Variants in NCOA1 observed in about 807,000 individuals in gnomAD.
NCOA1 encodes the protein nuclear receptor coactivator 1.
A neutral mutation model predicts 150.9 loss-of-function variants in NCOA1; 35 were observed. That is an observed-to-expected ratio of 0.23 (90% CI 0.18 to 0.31). NCOA1 has a LOEUF of 0.31. Among genes scored for constraint, NCOA1 ranks in the 10% least tolerant of loss-of-function variants. NCOA1 has a pLI of 1.00. For missense variants in NCOA1, 1,491 were observed against 1,749.3 expected, an observed-to-expected ratio of 0.85 and a Z score of 2.63; for synonymous variants, 590 against 630.0, an observed-to-expected ratio of 0.94 and a Z score of 0.95.
intron 3 of NCOA1, among the ~76,000 whole-genome samples, chr2:24,627,123 T>TTTTTTG (rs1333723269): frequency 4.1e-5 from 1 of 24,474 alleles, no homozygotes; most frequent in African/African-American, 9.4e-5. Flanking sequence ...TTTTTGCTGT[T>TTTTTTG]TTTTTTTTTT....
intron 3 of NCOA1, among the ~76,000 whole-genome samples, chr2:24,627,198 G>A (rs1391508173): frequency 1.4e-5 from 2 of 140,934 alleles, no homozygotes; most frequent in Non-Finnish European, 1.5e-5. Flanking sequence ...CCACTACTGT[G>A]CATGTCACCA....
At chr2:24,615,724 C>T (rs186305412) in intron 3 of NCOA1, among the ~76,000 whole-genome samples, 30 of 152,234 alleles carry the variant, frequency 2.0e-4, no homozygotes, top group African/African-American at 6.3e-4. Flanking sequence ...CAGATAGATA[C>T]ATACACAGTT....
chr2:24,762,035 C>G (rs1363568665), intron 21 of NCOA1, among the ~76,000 whole-genome samples: 2 of 152,232 alleles, frequency 1.3e-5, no homozygotes, highest in African/African-American at 4.8e-5. Context: ...TTCCAGAGCT[C>G]TCTCTGATAT....
At chr2:24,551,092 C>T (rs1665812726) in intron 1 of NCOA1, among the ~76,000 whole-genome samples, 1 of 137,484 alleles carries the variant, frequency 7.3e-6, no homozygotes, top group South Asian at 2.3e-4. Context: ...AAGACTTTGT[C>T]TCAAAAAAAA....
At chr2:24,526,006 T>G (rs1443242516) in intron 1 of NCOA1, among the ~76,000 whole-genome samples, 1 of 152,192 alleles carries the variant, frequency 6.6e-6, no homozygotes, top group Non-Finnish European at 1.5e-5. Context: ...TGTCTGTATT[T>G]GAAGATCAAA....
intron 3 of NCOA1, among the ~76,000 whole-genome samples, chr2:24,608,921 G>T (rs1229255377): frequency 6.6e-6 from 1 of 151,902 alleles, no homozygotes; most frequent in African/African-American, 2.4e-5. Context: ...TGAGGTTGTG[G>T]GAAGACTACC....
chr2:24,592,578 A>ATTTTTTTTTTTTT (rs145333073), intron 3 of NCOA1, among the ~76,000 whole-genome samples: 2 of 103,492 alleles, frequency 1.9e-5, no homozygotes, highest in African/African-American at 7.3e-5. Context: ...TCCCCTCCTA[A>ATTTTTTTTTTTTT]TTTTTTTTTT....
intron 19 of NCOA1, among the ~76,000 whole-genome samples, chr2:24,746,672 A>G (rs997880969): frequency 9.9e-5 from 15 of 152,230 alleles, no homozygotes; most frequent in Non-Finnish European, 1.9e-4. Flanking sequence ...CAGAACTCTA[A>G]GTATTCCTCT....
intron 1 of NCOA1, among the ~76,000 whole-genome samples, chr2:24,553,903 T>A (rs1665966211): frequency 6.6e-6 from 1 of 152,248 alleles, no homozygotes. Flanking sequence ...GGAGCCTTTG[T>A]CATGGAAGTG....
intron 4 of NCOA1, among the ~76,000 whole-genome samples, chr2:24,650,844 T>C (rs564933947): frequency 7.9e-5 from 12 of 152,264 alleles, no homozygotes; most frequent in Admixed American, 5.9e-4. Context: ...CAGGATTGTT[T>C]GATATTTTGG....
At chr2:24,664,678 A>G (rs1390724241) in intron 5 of NCOA1, among the ~76,000 whole-genome samples, 2 of 152,158 alleles carry the variant, frequency 1.3e-5, no homozygotes, top group Non-Finnish European at 1.5e-5. Context: ...ACTGCACTGC[A>G]GCCTGGCCTC....
chr2:24,501,644 T>C (rs1663467404), intron 1 of NCOA1, among the ~76,000 whole-genome samples: 3 of 152,202 alleles, frequency 2.0e-5, no homozygotes, highest in African/African-American at 7.2e-5. Flanking sequence ...CCATGAGATA[T>C]GTGATAAAAA....
intron 3 of NCOA1, among the ~76,000 whole-genome samples, chr2:24,598,800 CAT>C (rs1402179607): frequency 5.9e-5 from 9 of 151,906 alleles, no homozygotes; most frequent in Admixed American, 4.6e-4. Context: ...TCAAGGGGCA[CAT>C]GTGCAGTTTT....
chr2:24,646,851 TACAC>T (rs201747521), intron 4 of NCOA1, among the ~76,000 whole-genome samples: 190 of 151,324 alleles, frequency 1.3e-3, no homozygotes, highest in Non-Finnish European at 2.7e-4. Context: ...TATACACACA[TACAC>T]ACACACACAA....
At chr2:24,699,414 C>T (rs567768254) in intron 11 of NCOA1, among the ~76,000 whole-genome samples, 5 of 152,098 alleles carry the variant, frequency 3.3e-5, no homozygotes, top group Non-Finnish European at 1.5e-5. Flanking sequence ...ATTCCCCATA[C>T]AATGAATTGA....
intron 22 of NCOA1, 110 bp downstream of exon 22, chr2:24,762,886 G>GT: frequency 1.1e-6 from 1 of 915,376 alleles, no homozygotes; most frequent in Non-Finnish European, 1.8e-6. Context: ...CTGGGTGTGA[G>GT]TCCTGGCTCT....
At chr2:24,675,487 A>G (rs1391992824) in intron 7 of NCOA1, among the ~76,000 whole-genome samples, 2 of 152,238 alleles carry the variant, frequency 1.3e-5, no homozygotes, top group African/African-American at 2.4e-5. Context: ...AAGTCTCCCA[A>G]TGGCCTGATT....
At chr2:24,698,130 T>C (rs1672985630) in intron 11 of NCOA1, among the ~76,000 whole-genome samples, 1 of 152,104 alleles carries the variant, frequency 6.6e-6, no homozygotes, top group African/African-American at 2.4e-5. Flanking sequence ...GTTTTGCCCT[T>C]AAAGAGCTTA....
At chr2:24,577,047 C>T (rs535006869) in intron 2 of NCOA1, among the ~76,000 whole-genome samples, 2 of 152,218 alleles carry the variant, frequency 1.3e-5, no homozygotes, top group South Asian at 4.1e-4. Flanking sequence ...TTCTTTGTTT[C>T]TGTTAGTTGC....
Sources: allele counts gnomAD v4.1 joint callset (sites outside exome capture counted in the v4.1 genomes callset), GRCh38; gene constraint gnomAD v4.1.1; transcripts MANE v1.5; gene names NCBI Gene and HGNC (gene_info 2026-07-23, HGNC 2026-07-21).